The following DOCK4 variants were observed in gnomAD, a reference collection of about 807,000 sequenced individuals.
DOCK4 encodes dedicator of cytokinesis protein 4.
A neutral mutation model predicts 268.1 loss-of-function variants in DOCK4; 97 were observed. The observed-to-expected ratio is 0.36, with a 90% confidence interval of 0.31 to 0.43. The LOEUF (loss-of-function observed/expected upper bound fraction) is 0.43, where lower values mean the gene tolerates loss of function less well. Ranked by LOEUF, DOCK4 falls within the 20% of genes least tolerant of loss-of-function variation. DOCK4 has a pLI of 1.00. For missense variants in DOCK4, 2,145 were observed against 2,455.7 expected (o/e 0.87, Z 2.67); for synonymous variants, 954 against 887.2 (o/e 1.08, Z -1.34).
intron 1 of DOCK4, among the ~76,000 whole-genome samples, chr7:112,133,941 A>G (rs908934945): frequency 6.6e-6 from 1 of 152,052 alleles, no homozygotes; most frequent in African/African-American, 2.4e-5. Context: ...AATGGAATGG[A>G]GTGGGATGGA....
intron 50 of DOCK4, 21 bp from the exon 51 acceptor site, chr7:111,735,188 TA>T: frequency 6.7e-7 from 1 of 1,500,026 alleles, no homozygotes; most frequent in Non-Finnish European, 9.0e-7. Context: ...ATAACACAGC[TA>T]AAAACACACG....
At chr7:111,982,106 T>A (rs757889811) in intron 7 of DOCK4, among the ~76,000 whole-genome samples, 6 of 152,210 alleles carry the variant, frequency 3.9e-5, no homozygotes. Flanking sequence ...GGAAGGTTCA[T>A]TAAAGTATTT....
At chr7:111,970,856 C>T (rs1797655499) in intron 8 of DOCK4, among the ~76,000 whole-genome samples, 1 of 152,134 alleles carries the variant, frequency 6.6e-6, no homozygotes, top group East Asian at 1.9e-4. Flanking sequence ...AATCTTTAGT[C>T]ACTGTGAGAG....
intron 12 of DOCK4, among the ~76,000 whole-genome samples, chr7:111,928,942 G>A (rs1030571879): frequency 6.6e-6 from 1 of 152,034 alleles, no homozygotes; most frequent in Non-Finnish European, 1.5e-5. Context: ...ATCTGAACAA[G>A]GTTTGCAGAT....
intron 49 of DOCK4, 87 bp from the exon 50 acceptor site, chr7:111,737,076 A>G: frequency 8.4e-7 from 1 of 1,191,772 alleles, no homozygotes; most frequent in Non-Finnish European, 1.2e-6. Context: ...CTCCTCAGTA[A>G]AACTTTTTGT....
At chr7:111,932,325 G>A (rs1467137577) in intron 12 of DOCK4, among the ~76,000 whole-genome samples, 1 of 152,208 alleles carries the variant, frequency 6.6e-6, no homozygotes, top group Non-Finnish European at 1.5e-5. Context: ...TGAAAAGTCA[G>A]AAGGTCAGGA....
intron 24 of DOCK4, among the ~76,000 whole-genome samples, chr7:111,846,101 C>T (rs747857834): frequency 3.3e-5 from 5 of 152,132 alleles, no homozygotes; most frequent in Non-Finnish European, 7.4e-5. Context: ...TCTGTTCCCA[C>T]GCTACTGGGG....
At chr7:111,902,478 G>A (rs1791225896) in intron 13 of DOCK4, among the ~76,000 whole-genome samples, 1 of 151,956 alleles carries the variant, frequency 6.6e-6, no homozygotes, top group Non-Finnish European at 1.5e-5. Flanking sequence ...TAAAACTTGA[G>A]TTTTTAAAAA....
chr7:112,201,676 G>T (rs570951406), intron 1 of DOCK4, among the ~76,000 whole-genome samples: 7 of 152,098 alleles, frequency 4.6e-5, no homozygotes, highest in African/African-American at 4.8e-5. Context: ...GGAATGGGGG[G>T]GTGTGCTAAC....
Position 111,873,661 on chromosome 7 carries a change from A to C in DOCK4, c.1745-1097T>G, listed in dbSNP as rs977445660. 2.4e-4 allele frequency among the ~76,000 whole-genome samples: 37 copies of C among 152,206 alleles called. 1 individual carries two copies. The highest frequency in any genetic ancestry group is 8.7e-4 in the African/African-American group (36 of 41,462). On this transcript the variant is annotated intron_variant, in intron 17 of 52. Coordinates refer to ENST00000428084, the MANE Select transcript of DOCK4 (RefSeq NM_001363540.2). ...CCAAACCAAGGAAGTAGGTAAGATGAGAAAGAAAAAGAGAATATAGAGAAC... is the reference window on the plus strand; with the variant it reads ...CCAAACCAAGGAAGTAGGTAAGATGCGAAAGAAAAAGAGAATATAGAGAAC...
chr7:111,853,189 C>T (rs1804721951), intron 23 of DOCK4, among the ~76,000 whole-genome samples: 4 of 152,130 alleles, frequency 2.6e-5, no homozygotes, highest in Admixed American at 2.6e-4. Flanking sequence ...ATACTTTTGC[C>T]TCCTCTATCA....
At chr7:111,808,973 C>T (rs1800873104) in intron 29 of DOCK4, 94 bp from the exon 30 acceptor site, 2 of 1,400,742 alleles carry the variant, frequency 1.4e-6, no homozygotes, top group Admixed American at 2.0e-5. Flanking sequence ...TTCTGAATTA[C>T]AAGGCAAGGA....
intron 12 of DOCK4, among the ~76,000 whole-genome samples, chr7:111,929,997 T>C (rs559024549): frequency 6.6e-6 from 1 of 152,352 alleles, no homozygotes; most frequent in African/African-American, 2.4e-5. Context: ...ATTGGCTCAG[T>C]CTAATGTCAC....
rs141414025 is a variant in DOCK4, at chr7:112,085,627, C to T, written c.38-81496G>A. ...TGGAAGAATTCACCCAATAAATGTA[C>T]AAGAAATGACAGAATCACAATGAGA... is the stretch of plus-strand genomic sequence containing the variant. On this transcript the variant is annotated intron_variant, in intron 1 of 52. Coordinates refer to ENST00000428084, the MANE Select transcript of DOCK4 (RefSeq NM_001363540.2). Among the ~76,000 whole-genome samples the T allele has an allele frequency of 1.3e-3, 200 of 152,132 alleles. 1 individual carries two copies. Among genetic ancestry groups the T allele is most frequent in the African/African-American group, 4.2e-3 (173 of 41,540 alleles).
rs771296881 is a variant in DOCK4, at chr7:111,739,215, T to A, written c.5151A>T (p.Lys1717Asn). 1 of 1,613,988 alleles carries A rather than the reference T, an allele frequency of 6.2e-7. No homozygotes were observed. The highest frequency in any genetic ancestry group is 1.1e-5 in the South Asian group (1 of 91,088). ...RASPLLSDKH[K>N]HSRENSCLSP... ...ACAGGCAAGAGTTTTCTCGGGAATG[T>A]TTGTGTTTGTCAGACAACAAAGGAG... Residue 1717 changes from lysine to asparagine, a missense_variant, in exon 49 of 53, where the codon AAA (lysine) becomes AAT (asparagine). Lys to Asn is a moderately conservative substitution (Grantham distance 94, BLOSUM62 0). Transcript: ENST00000428084.
At chr7:111,900,068 T>A (rs562033510) in intron 15 of DOCK4, among the ~76,000 whole-genome samples, 1 of 152,354 alleles carries the variant, frequency 6.6e-6, no homozygotes, top group African/African-American at 2.4e-5. Context: ...GATATGCATC[T>A]GAACTGGCCA....
At chr7:111,894,680 G>T (rs1808590352) in intron 16 of DOCK4, among the ~76,000 whole-genome samples, 2 of 152,192 alleles carry the variant, frequency 1.3e-5, no homozygotes, top group Admixed American at 6.5e-5. Context: ...AGCAGCAGAG[G>T]GTGAAGAACC....
intron 12 of DOCK4, among the ~76,000 whole-genome samples, chr7:111,921,864 G>T (rs1310525471): frequency 6.6e-6 from 1 of 152,084 alleles, no homozygotes; most frequent in Non-Finnish European, 1.5e-5. Context: ...AATGGCCAAA[G>T]TCTCCTTAGT....
intron 41 of DOCK4, among the ~76,000 whole-genome samples, chr7:111,757,517 A>T (rs1797112069): frequency 6.6e-6 from 1 of 152,190 alleles, no homozygotes; most frequent in Admixed American, 6.5e-5. Context: ...AAGTTTCCAG[A>T]AAAAACAAGA....
Sources: gnomAD v4.1 joint callset for allele counts (sites outside exome capture counted in the v4.1 genomes callset) on GRCh38, gnomAD v4.1.1 for gene constraint, MANE v1.5 for transcripts, NCBI Gene and HGNC (gene_info 2026-07-23, HGNC 2026-07-21) for gene names.